Variants in POLD4 observed in about 807,000 individuals in gnomAD.
POLD4 encodes DNA polymerase delta subunit 4.
POLD4 carries 9 observed loss-of-function variants against 16.5 expected under a neutral mutation model. The ratio of observed to expected loss-of-function variants is 0.55; its 90% CI spans 0.33 to 0.95. POLD4 has a LOEUF of 0.95. Ranked by LOEUF, POLD4 falls within the 40% of genes least tolerant of loss-of-function variation. POLD4 has a pLI of 0.03. For synonymous variants in POLD4, 62 were observed against 57.6 expected (o/e 1.08, Z -0.35); for missense variants, 129 against 139.7 (o/e 0.92, Z 0.39).
At position 67,352,732 on chromosome 11, in the gene POLD4, C is replaced by G; in HGVS notation, c.258G>C (p.Gln86His). The change falls in exon 3 of 4, where the codon CAG (glutamine) becomes CAC (histidine). Residue 86 changes from glutamine to histidine, a missense_variant. Gln to His is a conservative substitution (Grantham distance 24). Transcript: ENST00000312419. ...MGLEPPPEVW[Q>H]VLKTHPGDPR... ...GGTCTCCGGGGTGGGTCTTCAGCAC[C>G]TGCCACACCTCTGGGGGAGGCTCCA... 1.2e-6 allele frequency: 2 copies of G among 1,613,392 alleles called. No homozygotes were observed. Among genetic ancestry groups the G allele is most frequent in the South Asian group, 1.1e-5 (1 of 91,006 alleles).
In POLD4 at chr11:67,353,540, G is replaced by C; in HGVS notation, c.-141C>G. On this transcript the variant is annotated 5_prime_UTR_variant, in exon 1 of 4. Coordinates refer to ENST00000312419, the MANE Select transcript of POLD4 (RefSeq NM_021173.5). The stretch of plus-strand genomic sequence containing the variant: ...GCAGACAAGATGACCCAGACAAACC[G>C]AGAGAGGAAGTCGCCGGGGTCCAGG... 1 of 673,278 alleles carries C rather than the reference G, an allele frequency of 1.5e-6. No homozygotes were observed. The highest frequency in any genetic ancestry group is 2.5e-6 in the Non-Finnish European group (1 of 407,342). 41.7% of individuals were successfully genotyped at this position (673,278 alleles called of 1,614,324 possible).
Position 67,352,210 on chromosome 11 carries a change from G to A in POLD4, c.300-191C>T, listed in dbSNP as rs2134846179. ...GTGTACCTTTGCCCCCCACTAGCTT[G>A]TAGAGGTAAGAATTATTGGCCGGGT... is the stretch of plus-strand genomic sequence containing the variant. On this transcript the variant is annotated intron_variant, in intron 3 of 3. Transcript: ENST00000312419. 5.3e-6 allele frequency: 3 copies of A among 563,870 alleles called. No homozygotes were observed. The South Asian group carries it at 6.3e-5, about 12-fold the overall frequency. The allele number at this position is 563,870 out of a possible 1,614,324, so 34.9% of individuals were successfully genotyped here.
At chr11:67,352,367 G>A (rs1056305929) in intron 3 of POLD4, 13 of 337,738 alleles carry the variant, frequency 3.8e-5, no homozygotes, top group Middle Eastern at 1.7e-3. Flanking sequence ...AAAATTAGCC[G>A]GGCGTGTTGG....
In POLD4 at chr11:67,351,416, A is replaced by G. The variant is rs1286939415; in HGVS notation, c.*579T>C. The G allele has an allele frequency of 6.6e-6, 1 of 152,404 alleles. No homozygotes were observed. Among genetic ancestry groups the G allele is most frequent in the Non-Finnish European group, 1.5e-5 (1 of 68,086 alleles). The allele number at this position is 152,404 out of a possible 1,614,324, so 9.4% of individuals were successfully genotyped here. ...TTCCGAGGACTTGATCCGTCTCAAG[A>G]TGACTGTCTCCTCCCTCTTCGGCCT... On this transcript the variant is annotated 3_prime_UTR_variant, in exon 4 of 4. Coordinates refer to ENST00000312419, the MANE Select transcript of POLD4 (RefSeq NM_021173.5). The surrounding 1 kb of genome is among the most constrained non-coding windows in gnomAD (Gnocchi z 4.8).
chr11:67,351,903 G>C lies in POLD4; in HGVS notation c.*92C>G, dbSNP rs536071668. ...CCAAGGGTTCCTCCGCAGCCGGGCT[G>C]AGCTGAGCAGGAGCAATGGGCTCTC... On this transcript the variant is annotated 3_prime_UTR_variant, in exon 4 of 4. Coordinates refer to ENST00000312419, the MANE Select transcript of POLD4 (RefSeq NM_021173.5). The surrounding 1 kb of genome is among the most constrained non-coding windows in gnomAD (Gnocchi z 4.8). 1.3e-3 allele frequency: 1,846 copies of C among 1,407,432 alleles called. 35 individuals carry two copies. In the South Asian group the frequency reaches 0.017, roughly 13 times the overall value. The allele number at this position is 1,407,432 out of a possible 1,614,324, so 87.2% of individuals were successfully genotyped here.
At chr11:67,353,249 C>A in intron 1 of POLD4, 54 bp downstream of exon 1, 1 of 1,581,594 alleles carries the variant, frequency 6.3e-7, no homozygotes, top group South Asian at 1.1e-5. Flanking sequence ...CTCTAGGGGC[C>A]TCCTCTAGGC....
chr11:67,352,051 C>A, intron 3 of POLD4, 32 bp from the exon 4 acceptor site: 1 of 1,075,726 alleles, frequency 9.3e-7, no homozygotes, highest in East Asian at 2.7e-5. Context: ...GGAGGGATAC[C>A]CCAGAGAGAG....
chr11:67,352,434 C>T (rs562918414), intron 3 of POLD4: 95 of 417,680 alleles, frequency 2.3e-4, no homozygotes, highest in Non-Finnish European at 3.4e-4. Flanking sequence ...GGCGTGAACC[C>T]GAGAGGCGGA....
intron 1 of POLD4, 76 bp from the exon 2 acceptor site, chr11:67,353,153 C>T (rs996646484): frequency 1.3e-5 from 20 of 1,503,766 alleles, no homozygotes; most frequent in Non-Finnish European, 1.8e-5. Flanking sequence ...TCCTCACCAC[C>T]GCTTTGCCTC....
At chr11:67,352,848 T>A in intron 2 of POLD4, 46 bp from the exon 3 acceptor site, 1 of 1,476,548 alleles carries the variant, frequency 6.8e-7, no homozygotes, top group Non-Finnish European at 9.3e-7. Flanking sequence ...GGGGGTGGGG[T>A]AGAGTCTGAG....
In POLD4 at chr11:67,351,993, C is replaced by G; in HGVS notation, c.*2G>C. 6 of 1,443,436 alleles carry G rather than the reference C, an allele frequency of 4.2e-6. No homozygotes were observed. Among genetic ancestry groups the G allele is most frequent in the Non-Finnish European group, 5.6e-6 (6 of 1,075,436 alleles). 89.4% of individuals were successfully genotyped at this position (1,443,436 alleles called of 1,614,324 possible). On this transcript the variant is annotated 3_prime_UTR_variant, in exon 4 of 4. Coordinates refer to ENST00000312419, the MANE Select transcript of POLD4 (RefSeq NM_021173.5). This position sits in a 1 kb window ranked among gnomAD's most constrained non-coding sequence, Gnocchi z 4.8. Reference sequence around the variant, plus strand: ...TAAGGGCAGGAGGTCTTACGTGGTGCCTCATAGGGGATAGAGATGCCAGAG... The same window carrying G: ...TAAGGGCAGGAGGTCTTACGTGGTGGCTCATAGGGGATAGAGATGCCAGAG...
Position 67,351,724 on chromosome 11 carries a change from C to T in POLD4, c.*271G>A. The T allele has an allele frequency of 2.2e-6, 1 of 451,262 alleles. No individual in the cohort carries two copies. Among genetic ancestry groups the T allele is most frequent in the East Asian group, 3.8e-5 (1 of 26,180 alleles). The allele number at this position is 451,262 out of a possible 1,614,324, so 28.0% of individuals were successfully genotyped here. A position where few individuals can be genotyped will look rare whatever the true frequency, so the allele number is the denominator to read the frequency against. ...GATCATGGGTCAGGGAGACAGGCAG[C>T]AGGTATTGGAAGGTGATGGCCAGGT... On this transcript the variant is annotated 3_prime_UTR_variant, in exon 4 of 4. Coordinates refer to ENST00000312419, the MANE Select transcript of POLD4 (RefSeq NM_021173.5). The surrounding 1 kb of genome is among the most constrained non-coding windows in gnomAD (Gnocchi z 4.8).
At chr11:67,353,103 C>G (rs1861911495) in intron 1 of POLD4, 26 bp from the exon 2 acceptor site, 1 of 1,565,054 alleles carries the variant, frequency 6.4e-7, no homozygotes. Context: ...CTCTTCAGTA[C>G]GAGGTTGGCT....
At chr11:67,352,829 AG>A in intron 2 of POLD4, 27 bp from the exon 3 acceptor site, 1 of 1,555,832 alleles carries the variant, frequency 6.4e-7, no homozygotes, top group South Asian at 1.1e-5. Flanking sequence ...AAGACTCTGG[AG>A]ACTTGTGGGG....
chr11:67,352,548 C>G (rs28364244), intron 3 of POLD4, 143 bp downstream of exon 3: 2 of 611,104 alleles, frequency 3.3e-6, no homozygotes, highest in East Asian at 2.9e-5. Context: ...TCCTCCTGAG[C>G]CAGGCACCTC....
rs1861906583 is a variant in POLD4 at position 67,352,973 on chromosome 11, T to TG, written c.187+14dup. 1.9e-6 allele frequency: 3 copies of TG among 1,543,676 alleles called. No homozygotes were observed. The highest frequency in any genetic ancestry group is 2.7e-5 in the African/African-American group (2 of 73,030). ...GCTGGGAGAGGCGCCTCCGTGGGGC[T>TG]GGGTGGGTTCTCACCGGTGCAGGGC... is the stretch of plus-strand genomic sequence containing the variant. On this transcript the variant is annotated intron_variant, in intron 2 of 3. Coordinates refer to ENST00000312419, the MANE Select transcript of POLD4 (RefSeq NM_021173.5).
At chr11:67,353,187 T>C in intron 1 of POLD4, 110 bp from the exon 2 acceptor site, 1 of 1,500,904 alleles carries the variant, frequency 6.7e-7, no homozygotes, top group African/African-American at 1.4e-5. Context: ...CTAGACCTGG[T>C]GTCGGGAGGG....
intron 3 of POLD4, 30 bp from the exon 4 acceptor site, chr11:67,352,049 A>C: frequency 1.5e-6 from 2 of 1,340,664 alleles, no homozygotes; most frequent in East Asian, 2.4e-5. Flanking sequence ...AGGGAGGGAT[A>C]CCCCAGAGAG....
Position 67,352,683 on chromosome 11 carries a change from T to C in POLD4, c.299+8A>G. 6.2e-7 allele frequency: 1 copy of C among 1,609,938 alleles called. No homozygotes were observed. The highest frequency in any genetic ancestry group is 1.1e-5 in the South Asian group (1 of 90,906). ...CTCCCCTGAAAGCCCTCCCGGCCTG[T>C]CTCTGACCTGCACTGGAAGCGGGGG... On this transcript the variant is annotated splice_region_variant and intron_variant, in intron 3 of 3. Transcript: ENST00000312419.
Sources: allele counts gnomAD v4.1 joint callset, GRCh38; gene constraint gnomAD v4.1.1; non-coding constraint Gnocchi (gnomAD v3.1); transcripts MANE v1.5; gene names NCBI Gene and HGNC (gene_info 2026-07-23, HGNC 2026-07-21).